TTC7A: variants seen among roughly 807,000 people sequenced by gnomAD.
TTC7A encodes the protein tetratricopeptide repeat domain 7A, also known as tetratricopeptide repeat protein 7A.
TTC7A carries 110 observed loss-of-function variants against 103.7 expected under a neutral mutation model. That is an observed-to-expected ratio of 1.06 (90% CI 0.91 to 1.24). The LOEUF is 1.24. TTC7A is among the 50% of genes most tolerant of loss of function. The probability of loss-of-function intolerance (pLI) is 0.00; values close to 1 mark genes in which losing one functional copy is unlikely to be tolerated. For missense variants in TTC7A, 1,340 were observed against 1,116.3 expected, an observed-to-expected ratio of 1.20 and a Z score of -2.86; for synonymous variants, 521 against 467.9, an observed-to-expected ratio of 1.11 and a Z score of -1.47.
At chr2:47,003,804 A>C (rs914014634) in intron 8 of TTC7A, among the ~76,000 whole-genome samples, 2 of 152,088 alleles carry the variant, frequency 1.3e-5, no homozygotes, top group Non-Finnish European at 2.9e-5. Flanking sequence ...CTCACACCCG[A>C]GCCACTCTTG....
chr2:47,067,631 G>C (rs774458589), intron 19 of TTC7A, among the ~76,000 whole-genome samples: 6 of 152,216 alleles, frequency 3.9e-5, no homozygotes, highest in Non-Finnish European at 8.8e-5. Flanking sequence ...AAGTTCATCT[G>C]ACCTGGACCT....
At chr2:47,060,726 C>T (rs780726199) in intron 18 of TTC7A, 43 bp from the exon 19 acceptor site, 1 of 1,550,396 alleles carries the variant, frequency 6.4e-7, no homozygotes, top group Non-Finnish European at 8.8e-7. Context: ...ATGCCTCTGA[C>T]TCCCCACCAC....
At chr2:47,011,103 C>A (rs925772663) in intron 10 of TTC7A, among the ~76,000 whole-genome samples, 36 of 152,152 alleles carry the variant, frequency 2.4e-4, no homozygotes, top group African/African-American at 8.4e-4. Flanking sequence ...CATCATGTTA[C>A]CTAAAGAGCA....
At chr2:46,968,769 A>T (rs1020122968) in intron 3 of TTC7A, among the ~76,000 whole-genome samples, 1 of 152,186 alleles carries the variant, frequency 6.6e-6, no homozygotes, top group East Asian at 1.9e-4. Context: ...TCATATGGTG[A>T]CATGTACAAA....
upstream of TTC7A, among the ~76,000 whole-genome samples, chr2:46,937,917 C>G (rs938716275): frequency 6.6e-6 from 1 of 151,984 alleles, no homozygotes; most frequent in African/African-American, 2.4e-5. This position sits in a 1 kb window ranked among gnomAD's most constrained non-coding sequence, Gnocchi z 4.0. Context: ...CTGAAGAAAA[C>G]TACTGTGTAT....
rs753339450 is a variant in TTC7A at position 47,029,213 on chromosome 2, T to C, written c.1642-11T>C. On this transcript the variant is annotated splice_polypyrimidine_tract_variant and intron_variant, in intron 14 of 19. Transcript: ENST00000319190. ...CCTGGGGAAGGCTAACCTGGCGGGT[T>C]CCTTCAACAGATCTCCAGTGCCATG... 1.9e-6 allele frequency: 3 copies of C among 1,613,324 alleles called. No homozygotes were observed. The South Asian group carries it at 3.3e-5, about 18-fold the overall frequency.
intron 18 of TTC7A, among the ~76,000 whole-genome samples, chr2:47,059,162 A>T (rs1229338008): frequency 6.6e-6 from 1 of 151,432 alleles, no homozygotes; most frequent in Non-Finnish European, 1.5e-5. Context: ...CTGGGACCAC[A>T]GGCACCCACC....
chr2:46,915,895 G>A (rs983719401), upstream of TTC7A: 215 of 983,538 alleles, frequency 2.2e-4, no homozygotes, highest in Non-Finnish European at 2.5e-4. Flanking sequence ...TCCCGCTGGC[G>A]GCGGCGGGCT....
At chr2:46,958,197 C>G (rs1322740413) in intron 3 of TTC7A, among the ~76,000 whole-genome samples, 2 of 152,172 alleles carry the variant, frequency 1.3e-5, no homozygotes, top group East Asian at 3.9e-4. Context: ...GTTCGCCCAC[C>G]CAAGATCCTT....
intron 14 of TTC7A, 124 bp downstream of exon 14, chr2:47,024,483 C>A: frequency 1.2e-6 from 1 of 855,032 alleles, no homozygotes; most frequent in Non-Finnish European, 1.8e-6. Context: ...GTTTCCTTAT[C>A]TGTCATGTAA....
At position 46,975,128 on chromosome 2, in the gene TTC7A, A is replaced by C. The variant is rs749893053; in HGVS notation, c.648+25A>C. The C allele has an allele frequency of 6.8e-6, 11 of 1,611,752 alleles. No homozygotes were observed. The African/African-American group carries it at 1.2e-4, about 18-fold the overall frequency. The stretch of plus-strand genomic sequence containing the variant: ...GGTGAGCTGGAAATAACACCGTGGT[A>C]GGAGCTGCTCTCTATTGAGCACCTA... On this transcript the variant is annotated intron_variant, in intron 4 of 19. Transcript: ENST00000319190.
intron 5 of TTC7A, among the ~76,000 whole-genome samples, chr2:46,987,235 C>A (rs975851709): frequency 1.3e-5 from 2 of 152,336 alleles, no homozygotes; most frequent in South Asian, 4.1e-4. Context: ...GTTCGGCCAC[C>A]TGGTTGCCAG....
At chr2:46,937,288 GCTC>G (rs202181589), upstream of TTC7A, among the ~76,000 whole-genome samples, 1,337 of 151,914 alleles carry the variant, frequency 8.8e-3, 9 homozygotes, top group Non-Finnish European at 0.014. The surrounding 1 kb of genome is among the most constrained non-coding windows in gnomAD (Gnocchi z 4.0). Flanking sequence ...CCTACCCTAT[GCTC>G]CTCCATCTCC....
At chr2:47,061,621 T>C (rs1683789130) in intron 19 of TTC7A, among the ~76,000 whole-genome samples, 1 of 152,204 alleles carries the variant, frequency 6.6e-6, no homozygotes, top group Admixed American at 6.5e-5. Context: ...GCTGATACTC[T>C]TGTCCTGGCC....
chr2:46,940,753 G>C (rs114473004), upstream of TTC7A, among the ~76,000 whole-genome samples: 1,059 of 152,330 alleles, frequency 7.0e-3, 13 homozygotes, highest in African/African-American at 0.024. This position sits in a 1 kb window ranked among gnomAD's most constrained non-coding sequence, Gnocchi z 4.7. Flanking sequence ...GAACGGGCCT[G>C]GGTCCTCGCG....
chr2:46,961,789 C>T (rs1483394367), intron 3 of TTC7A, among the ~76,000 whole-genome samples: 2 of 151,732 alleles, frequency 1.3e-5, no homozygotes, highest in East Asian at 3.9e-4. Context: ...GTGGCATGCA[C>T]CTGTAATCCC....
rs369564855 is a variant in TTC7A at position 46,986,716 on chromosome 2, G to A, written c.765-6734G>A. Among the ~76,000 whole-genome samples the A allele has an allele frequency of 2.2e-3, 330 of 152,308 alleles. 3 individuals are homozygous for A. The highest frequency in any genetic ancestry group is 0.01 in the Middle Eastern group (3 of 294). On this transcript the variant is annotated intron_variant, in intron 5 of 19. Transcript: ENST00000319190. ...GGCCTGGGTGGACCCAGCTGCCAGC[G>A]AGACTAAGGAGACCCTGCTGAGAAC...
At chr2:46,976,115 C>T (rs1673853898) in intron 4 of TTC7A, among the ~76,000 whole-genome samples, 1 of 152,258 alleles carries the variant, frequency 6.6e-6, no homozygotes, top group Non-Finnish European at 1.5e-5. Flanking sequence ...CAACTATATT[C>T]AACAGAGATC....
At chr2:46,996,462 C>T (rs773773676) in intron 8 of TTC7A, among the ~76,000 whole-genome samples, 9 of 152,228 alleles carry the variant, frequency 5.9e-5, no homozygotes, top group Admixed American at 2.6e-4. Flanking sequence ...TGGGACCATG[C>T]GATGCCAGGG....
Sources: gnomAD v4.1 joint callset for allele counts (sites outside exome capture counted in the v4.1 genomes callset) on GRCh38, gnomAD v4.1.1 for gene constraint, Gnocchi (gnomAD v3.1) non-coding constraint, MANE v1.5 for transcripts, NCBI Gene and HGNC (gene_info 2026-07-23, HGNC 2026-07-21) for gene names.